CCDC192: variants seen among roughly 807,000 people sequenced by gnomAD.
CCDC192 encodes coiled-coil domain containing 192, also known as coiled-coil domain-containing protein 192.
intron 5 of CCDC192, among the ~76,000 whole-genome samples, chr5:127,853,497 G>A (rs1750899547): frequency 6.6e-6 from 1 of 152,130 alleles, no homozygotes; most frequent in South Asian, 2.1e-4. Flanking sequence ...TGGAGGCTGG[G>A]CGTGGTGGCT....
intron 6 of CCDC192, among the ~76,000 whole-genome samples, chr5:127,936,108 A>G (rs906947940): frequency 6.6e-6 from 1 of 152,200 alleles, no homozygotes; most frequent in Non-Finnish European, 1.5e-5. Flanking sequence ...CCGTTTCAAA[A>G]AAAGAAAAGA....
In CCDC192 at chr5:127,750,303, G is replaced by A. The variant is rs529624795; in HGVS notation, c.115-3965G>A. Among the ~76,000 whole-genome samples the A allele has an allele frequency of 6.3e-4, 96 of 152,182 alleles. 1 individual carries two copies. Among genetic ancestry groups the A allele is most frequent in the African/African-American group, 2.2e-3 (93 of 41,528 alleles). ...GCTTTGAATGCATCCCAGAGATTCT[G>A]GTATGTTGTGTCTTTGTTCACAGTG... is the stretch of plus-strand genomic sequence containing the variant. On this transcript the variant is annotated intron_variant, in intron 2 of 6. Transcript: ENST00000514853.
At chr5:127,800,395 AAAAAAACAAC>A (rs1561495792) in intron 5 of CCDC192, among the ~76,000 whole-genome samples, 1 of 138,748 alleles carries the variant, frequency 7.2e-6, no homozygotes, top group South Asian at 2.6e-4. Flanking sequence ...AAAAAAAAAA[AAAAAAACAAC>A]AACAACAAAA....
At chr5:127,761,221 T>C (rs937409705) in intron 3 of CCDC192, among the ~76,000 whole-genome samples, 4 of 152,232 alleles carry the variant, frequency 2.6e-5, no homozygotes, top group African/African-American at 9.6e-5. Flanking sequence ...CACTCATTTG[T>C]TCATTTAACA....
intron 3 of CCDC192, among the ~76,000 whole-genome samples, chr5:127,773,796 A>G (rs1287916560): frequency 6.6e-6 from 1 of 152,192 alleles, no homozygotes; most frequent in Non-Finnish European, 1.5e-5. Context: ...GAATTGCTGG[A>G]TCACATGGTA....
intron 5 of CCDC192, among the ~76,000 whole-genome samples, chr5:127,831,363 C>T (rs375012094): frequency 2.8e-3 from 430 of 151,062 alleles, no homozygotes; most frequent in African/African-American, 9.7e-3. Context: ...TGTGTGTGTG[C>T]GTGTGTATAT....
At chr5:127,886,048 C>G (rs541519573) in intron 6 of CCDC192, among the ~76,000 whole-genome samples, 3 of 152,132 alleles carry the variant, frequency 2.0e-5, no homozygotes, top group Non-Finnish European at 4.4e-5. Flanking sequence ...TTAACTCAGG[C>G]AAGCATAAGA....
intron 3 of CCDC192, among the ~76,000 whole-genome samples, chr5:127,755,976 C>A (rs928229491): frequency 1.3e-5 from 2 of 151,804 alleles, no homozygotes; most frequent in African/African-American, 4.8e-5. Flanking sequence ...ACTAAAAGTA[C>A]AAAAAAATTA....
chr5:127,825,563 C>G (rs1749488893), intron 5 of CCDC192, among the ~76,000 whole-genome samples: 1 of 152,218 alleles, frequency 6.6e-6, no homozygotes, highest in Non-Finnish European at 1.5e-5. Flanking sequence ...GGACATGACA[C>G]TTGGGTTTTC....
chr5:127,779,432 A>T (rs1186557134), intron 3 of CCDC192, among the ~76,000 whole-genome samples: 1 of 152,038 alleles, frequency 6.6e-6, no homozygotes, highest in Non-Finnish European at 1.5e-5. Flanking sequence ...AGTAGCTGGG[A>T]CTACAGGTGC....
At chr5:127,926,760 C>A (rs1246581686) in intron 6 of CCDC192, among the ~76,000 whole-genome samples, 1 of 152,004 alleles carries the variant, frequency 6.6e-6, no homozygotes, top group African/African-American at 2.4e-5. Context: ...GTAAATTTGG[C>A]ATTATTCATA....
chr5:127,742,551 A>G (rs552048102), intron 2 of CCDC192, among the ~76,000 whole-genome samples: 1 of 152,324 alleles, frequency 6.6e-6, no homozygotes, highest in African/African-American at 2.4e-5. Flanking sequence ...CTGATAAAAC[A>G]TTCAATTCAC....
intron 3 of CCDC192, among the ~76,000 whole-genome samples, chr5:127,762,840 T>G (rs2126891710): frequency 6.6e-6 from 1 of 152,360 alleles, no homozygotes; most frequent in South Asian, 2.1e-4. Context: ...TTCCCTTTGC[T>G]TATTGTCTAC....
intron 2 of CCDC192, among the ~76,000 whole-genome samples, chr5:127,749,589 C>A (rs1196464193): frequency 3.3e-5 from 5 of 151,808 alleles, no homozygotes; most frequent in Non-Finnish European, 5.9e-5. Context: ...TTGGTTGTGT[C>A]TCTGCCCGGC....
chr5:127,868,306 G>C (rs1296196638), intron 5 of CCDC192, among the ~76,000 whole-genome samples: 4 of 152,128 alleles, frequency 2.6e-5, no homozygotes, highest in East Asian at 1.9e-4. Context: ...GTCAGAGAAG[G>C]GGGCAATAAG....
intron 3 of CCDC192, among the ~76,000 whole-genome samples, chr5:127,772,421 C>G (rs1467255725): frequency 6.7e-6 from 1 of 148,556 alleles, no homozygotes; most frequent in Non-Finnish European, 1.5e-5. Context: ...GAGCCAAGAT[C>G]ACACCACTGC....
chr5:127,774,813 G>A (rs1303449596), intron 3 of CCDC192, among the ~76,000 whole-genome samples: 2 of 152,148 alleles, frequency 1.3e-5, no homozygotes, highest in African/African-American at 4.8e-5. Context: ...TTTTAATAGA[G>A]ATTGCATTAA....
chr5:127,814,316 C>A (rs2127006065), intron 5 of CCDC192, among the ~76,000 whole-genome samples: 1 of 152,322 alleles, frequency 6.6e-6, no homozygotes, highest in East Asian at 1.9e-4. Flanking sequence ...TTGCATTAAG[C>A]ATTAAAAACA....
intron 2 of CCDC192, among the ~76,000 whole-genome samples, chr5:127,735,435 T>A (rs1752917230): frequency 6.8e-6 from 1 of 146,874 alleles, no homozygotes; most frequent in East Asian, 2.0e-4. Flanking sequence ...CCATATGAAC[T>A]TTAAAGTAGT....
Sources: allele counts gnomAD v4.1 joint callset (sites outside exome capture counted in the v4.1 genomes callset), GRCh38; gene constraint gnomAD v4.1.1; transcripts MANE v1.5; gene names NCBI Gene and HGNC (gene_info 2026-07-23, HGNC 2026-07-21).